Variants in PTPRD observed in about 807,000 individuals in gnomAD.
PTPRD encodes the protein protein tyrosine phosphatase receptor type D.
In PTPRD, 34 loss-of-function variants were observed where a neutral mutation model predicts 214.5. The observed-to-expected ratio is 0.16, with a 90% CI of 0.12 to 0.21. The LOEUF (loss-of-function observed/expected upper bound fraction) is 0.21. Ranked by LOEUF, PTPRD falls within the 10% of genes least tolerant of loss-of-function variation. PTPRD has a pLI of 1.00. For synonymous variants in PTPRD, 1,128 were observed against 845.7 expected, an observed-to-expected ratio of 1.33 and a Z score of -5.79; for missense variants, 2,545 against 2,398.7, an observed-to-expected ratio of 1.06 and a Z score of -1.27.
intron 12 of PTPRD, among the ~76,000 whole-genome samples, chr9:8,652,749 T>C (rs2096837777): frequency 6.6e-6 from 1 of 152,216 alleles, no homozygotes; most frequent in African/African-American, 2.4e-5. Flanking sequence ...AGTGTTTTTT[T>C]AGTGTCCACA....
intron 9 of PTPRD, among the ~76,000 whole-genome samples, chr9:9,193,549 T>C (rs1339292243): frequency 6.6e-6 from 1 of 152,202 alleles, no homozygotes; most frequent in African/African-American, 2.4e-5. Context: ...CTACATGGTA[T>C]AGCCTATTTC....
intron 43 of PTPRD, among the ~76,000 whole-genome samples, chr9:8,338,329 A>G (rs1848994221): frequency 6.6e-6 from 1 of 152,130 alleles, no homozygotes; most frequent in Non-Finnish European, 1.5e-5. Flanking sequence ...CAATCCAGAT[A>G]AGAAATGCAG....
At chr9:8,749,753 T>C (rs1204558562) in intron 11 of PTPRD, among the ~76,000 whole-genome samples, 1 of 152,184 alleles carries the variant, frequency 6.6e-6, no homozygotes, top group Non-Finnish European at 1.5e-5. Context: ...TCCATGAATA[T>C]TTCTGAATAC....
intron 8 of PTPRD, among the ~76,000 whole-genome samples, chr9:9,457,685 T>G (rs1569568501): frequency 6.6e-6 from 1 of 152,104 alleles, no homozygotes. Flanking sequence ...GTTACATATA[T>G]TTAACTCTAA....
At chr9:10,179,654 T>A (rs1449644414) in intron 3 of PTPRD, among the ~76,000 whole-genome samples, 1 of 152,068 alleles carries the variant, frequency 6.6e-6, no homozygotes, top group Non-Finnish European at 1.5e-5. Context: ...ATTTTCAAGA[T>A]GTGTTACCTA....
intron 2 of PTPRD, among the ~76,000 whole-genome samples, chr9:10,511,878 G>A (rs142974096): frequency 0.31 from 40,998 of 133,400 alleles, 6,867 homozygotes; most frequent in Admixed American, 0.41. Context: ...GTGTGTGTGT[G>A]TATATACACA....
chr9:8,635,336 CTTCA>C (rs2096396980), intron 13 of PTPRD, among the ~76,000 whole-genome samples: 1 of 151,450 alleles, frequency 6.6e-6, no homozygotes, highest in South Asian at 2.1e-4. Context: ...AAAAAATTAA[CTTCA>C]TTTAAATTTT....
chr9:9,058,672 A>G (rs2099701371), intron 10 of PTPRD, among the ~76,000 whole-genome samples: 1 of 150,844 alleles, frequency 6.6e-6, no homozygotes, highest in Non-Finnish European at 1.5e-5. Context: ...GATGGTCTCG[A>G]TCTCCTGACC....
At chr9:9,012,571 C>T (rs903860454) in intron 11 of PTPRD, among the ~76,000 whole-genome samples, 1 of 152,136 alleles carries the variant, frequency 6.6e-6, no homozygotes, top group Non-Finnish European at 1.5e-5. Context: ...GCTTTCCTTT[C>T]ACATGCAGAC....
rs183512992 is a variant in PTPRD, at chr9:10,291,249, A to C, written c.-545+49714T>G. ...GAGCAGCCATCATGCAGTCACCAGG[A>C]GTGGCAGCTGAGGACAAAGTCAACC... is the stretch of plus-strand genomic sequence containing the variant. On this transcript the variant is annotated intron_variant, in intron 3 of 45. Coordinates refer to ENST00000381196, the MANE Select transcript of PTPRD (RefSeq NM_002839.4). Among the ~76,000 whole-genome samples, 239 of 152,098 alleles carry C rather than the reference A, an allele frequency of 1.6e-3. 4 individuals are homozygous for C. The highest frequency in any genetic ancestry group is 5.4e-3 in the African/African-American group (223 of 41,496).
At chr9:9,252,164 A>G (rs1454352356) in intron 9 of PTPRD, among the ~76,000 whole-genome samples, 1 of 152,068 alleles carries the variant, frequency 6.6e-6, no homozygotes, top group Non-Finnish European at 1.5e-5. Flanking sequence ...CTTTGGCATA[A>G]AGCTTATTTT....
intron 11 of PTPRD, among the ~76,000 whole-genome samples, chr9:8,794,867 A>G (rs942964975): frequency 6.6e-6 from 1 of 152,074 alleles, no homozygotes; most frequent in African/African-American, 2.4e-5. Flanking sequence ...ATGAAAAAAA[A>G]AAACATCAAA....
chr9:8,412,719 T>C (rs2093626936), intron 35 of PTPRD, among the ~76,000 whole-genome samples: 2 of 152,344 alleles, frequency 1.3e-5, no homozygotes, highest in African/African-American at 4.8e-5. Context: ...GGTGCCTTTT[T>C]TGATACTGAA....
At chr9:10,034,546 G>A (rs917162766) in intron 3 of PTPRD, among the ~76,000 whole-genome samples, 4 of 150,736 alleles carry the variant, frequency 2.7e-5, no homozygotes, top group Admixed American at 2.0e-4. Flanking sequence ...ATATCCATTA[G>A]TTATTTTTCA....
chr9:9,349,188 T>C (rs1462671908), intron 9 of PTPRD, among the ~76,000 whole-genome samples: 2 of 152,120 alleles, frequency 1.3e-5, no homozygotes, highest in African/African-American at 4.8e-5. Flanking sequence ...GCTTACATAT[T>C]TCACTTAATA....
At chr9:10,136,034 G>A (rs2098940680) in intron 3 of PTPRD, among the ~76,000 whole-genome samples, 1 of 151,068 alleles carries the variant, frequency 6.6e-6, no homozygotes, top group African/African-American at 2.4e-5. Context: ...AAAAGAAATG[G>A]AGAAAGACCT....
chr9:9,197,228 T>A (rs983793747), intron 9 of PTPRD, among the ~76,000 whole-genome samples: 3 of 152,126 alleles, frequency 2.0e-5, no homozygotes, highest in African/African-American at 4.8e-5. Context: ...CCAAAGCACT[T>A]CACACAAGCC....
chr9:8,500,853 G>A lies in PTPRD; in HGVS notation c.2029C>T (p.Leu677=), dbSNP rs2097387897. ...SDTTKYLLEQ[L]EKWTEYRITV... ...ATCCGGTATTCAGTCCATTTTTCCAGCTGTTCCAAAAGGTATTTGGTAGTG... is the reference window on the plus strand; with the variant it reads ...ATCCGGTATTCAGTCCATTTTTCCAACTGTTCCAAAAGGTATTTGGTAGTG... The change falls in exon 24 of 46, where the codon CTG becomes TTG. Residue 677 remains leucine, a synonymous_variant. Transcript: ENST00000381196. The A allele has an allele frequency of 1.2e-6, 2 of 1,614,146 alleles. No homozygotes were observed. Among genetic ancestry groups the A allele is most frequent in the East Asian group, 4.5e-5 (2 of 44,882 alleles).
intron 36 of PTPRD, among the ~76,000 whole-genome samples, chr9:8,403,323 T>C (rs2092636535): frequency 6.6e-6 from 1 of 152,242 alleles, no homozygotes; most frequent in Admixed American, 6.5e-5. Context: ...ATAATTTATT[T>C]GTTTTCTAAA....
Sources: gnomAD v4.1 joint callset for allele counts (sites outside exome capture counted in the v4.1 genomes callset) on GRCh38, gnomAD v4.1.1 for gene constraint, MANE v1.5 for transcripts, NCBI Gene and HGNC (gene_info 2026-07-23, HGNC 2026-07-21) for gene names.